The following ZNF274 variants were observed in gnomAD, a reference collection of about 807,000 sequenced individuals.
ZNF274 encodes zinc finger protein 274, also known as neurotrophin receptor-interacting factor homolog.
Under a neutral mutation model 42.5 loss-of-function variants are expected in ZNF274, and 23 were observed. The observed-to-expected ratio is 0.54, with a 90% CI of 0.39 to 0.77. ZNF274 has a LOEUF of 0.77. ZNF274 is among the 30% of genes least tolerant of loss of function. The probability of loss-of-function intolerance (pLI) is 0.00; values close to 1 mark genes in which losing one functional copy is unlikely to be tolerated. For synonymous variants in ZNF274, 292 were observed against 305.4 expected (o/e 0.96, Z 0.46); for missense variants, 679 against 806.5 (o/e 0.84, Z 1.91).
intron 2 of ZNF274, chr19:58,185,502 G>T (rs923161181): frequency 1.5e-5 from 5 of 325,246 alleles, no homozygotes; most frequent in South Asian, 2.7e-4. Flanking sequence ...GATCTCATGT[G>T]TTGCTCTCCT....
Position 58,183,780 on chromosome 19 carries a change from C to G in ZNF274, c.-45-141C>G, listed in dbSNP as rs952241772. On this transcript the variant is annotated intron_variant, in intron 1 of 7. Coordinates refer to ENST00000617501, the MANE Select transcript of ZNF274 (RefSeq NM_133502.3). ...GGTCCTATCCAGTCCTGTGGGAGTC[C>G]TATGACTCACTCTGGGCGTTTTCCA... The G allele has an allele frequency of 5.0e-6, 3 of 601,960 alleles. No individual in the cohort carries two copies. In the East Asian group the frequency reaches 8.5e-5, roughly 17 times the overall value. The allele number at this position is 601,960 out of a possible 1,614,324, so 37.3% of individuals were successfully genotyped here.
chr19:58,183,881 C>T, intron 1 of ZNF274, 40 bp from the exon 2 acceptor site: 1 of 1,447,498 alleles, frequency 6.9e-7, no homozygotes, highest in South Asian at 1.2e-5. Context: ...CAGCGGACAC[C>T]TTAAGCCTCT....
intron 3 of ZNF274, chr19:58,186,060 T>G (rs1161222547): frequency 3.3e-6 from 1 of 306,818 alleles, no homozygotes; most frequent in Non-Finnish European, 5.9e-6. Context: ...TGCTTATTGT[T>G]CTTGCAACAA....
At position 58,193,291 on chromosome 19, in the gene ZNF274, C is replaced by T. The variant is rs569377901; in HGVS notation, c.256+6249C>T. ...CCTCCCGAGTAGCTGGGACTACAGG[C>T]GCCCGCCACCACGCCCAGCTAAATT... On this transcript the variant is annotated intron_variant, in intron 4 of 7. Coordinates refer to ENST00000617501, the MANE Select transcript of ZNF274 (RefSeq NM_133502.3). Among the ~76,000 whole-genome samples the T allele has an allele frequency of 1.3e-3, 192 of 149,504 alleles. 1 individual carries two copies. The highest frequency in any genetic ancestry group is 0.01 in the East Asian group (51 of 4,986).
Position 58,211,035 on chromosome 19 carries a change from C to T in ZNF274, c.853-525C>T, listed in dbSNP as rs1057279311. On this transcript the variant is annotated intron_variant, in intron 6 of 7. Transcript: ENST00000617501. This position sits in a 1 kb window ranked among gnomAD's most constrained non-coding sequence, Gnocchi z 4.8. Reference sequence around the variant, plus strand: ...GTGGCCACTCCCCTTTCTTCTTAGGCAGATTCTGCCCCATGTAAGCAAAAT... The same window carrying T: ...GTGGCCACTCCCCTTTCTTCTTAGGTAGATTCTGCCCCATGTAAGCAAAAT... The T allele has an allele frequency of 1.3e-5, 2 of 152,542 alleles. No homozygotes were observed. Among genetic ancestry groups the T allele is most frequent in the African/African-American group, 4.8e-5 (2 of 41,452 alleles). The allele number at this position is 152,542 out of a possible 1,614,324, so 9.4% of individuals were successfully genotyped here.
rs2076007892 is a variant in ZNF274 at position 58,208,938 on chromosome 19, C to G, written c.740-1023C>G. The G allele has an allele frequency of 6.6e-6, 1 of 152,188 alleles. No individual in the cohort carries two copies. Among genetic ancestry groups the G allele is most frequent in the Non-Finnish European group, 1.5e-5 (1 of 68,046 alleles). The allele number at this position is 152,188 out of a possible 1,614,324, so 9.4% of individuals were successfully genotyped here. ...ACAGAAGACAATGGGAAGAGGCTTT[C>G]CAGAGAACCCTGAGAATCTCACATT... On this transcript the variant is annotated intron_variant, in intron 5 of 7. Coordinates refer to ENST00000617501, the MANE Select transcript of ZNF274 (RefSeq NM_133502.3). The surrounding 1 kb of genome is among the most constrained non-coding windows in gnomAD (Gnocchi z 4.5).
rs2075981559 is a variant in ZNF274, at chr19:58,206,702, T to G, written c.257-18T>G. 1 of 1,542,812 alleles carries G rather than the reference T, an allele frequency of 6.5e-7. No homozygotes were observed. The highest frequency in any genetic ancestry group is 1.4e-5 in the African/African-American group (1 of 72,958). On this transcript the variant is annotated intron_variant, in intron 4 of 7. Transcript: ENST00000617501. ...ATGTGCTTGTTCTCATTTGTCTTGC[T>G]CTGCTTTTGACTTACAGAGTATCCT...
chr19:58,212,374 A>C lies in ZNF274; in HGVS notation c.1193A>C (p.Lys398Thr), dbSNP rs763195344. ...CAGGAAAAAGACCTTCCTCAGAAGA[A>C]GCACTTTGACAACCGTGAGTCCCAG... ...SAQEKDLPQK[K>T]HFDNRESQAN... is the part of the protein sequence containing the mutation. Residue 398 changes from lysine (K) to threonine (T), a missense_variant, in exon 8 of 8, where the codon AAG becomes ACG. Lys to Thr is a moderately conservative substitution (Grantham distance 78, BLOSUM62 -1). Transcript: ENST00000617501. The surrounding 1 kb of genome is among the most constrained non-coding windows in gnomAD (Gnocchi z 4.6). 13 of 1,614,040 alleles carry C rather than the reference A, an allele frequency of 8.1e-6. No homozygotes were observed. Among genetic ancestry groups the C allele is most frequent in the Non-Finnish European group, 1.1e-5 (13 of 1,179,894 alleles).
intron 4 of ZNF274, among the ~76,000 whole-genome samples, chr19:58,187,950 C>T (rs915813465): frequency 6.6e-6 from 1 of 152,100 alleles, no homozygotes; most frequent in Non-Finnish European, 1.5e-5. Context: ...TTCTTGAACT[C>T]CTGACTTCAA....
At position 58,212,611 on chromosome 19, in the gene ZNF274, A is replaced by G; in HGVS notation, c.1430A>G (p.Lys477Arg). The change falls in exon 8 of 8, where the codon AAG becomes AGG. Residue 477 changes from lysine to arginine, a missense_variant. Physicochemically the swap from Lys to Arg is conservative, Grantham distance 26. This residue lies in a region of ZNF274 where 456 missense variants were observed against 590.1 expected (regional missense o/e 0.77). Coordinates refer to ENST00000617501, the MANE Select transcript of ZNF274 (RefSeq NM_133502.3). The surrounding 1 kb of genome is among the most constrained non-coding windows in gnomAD (Gnocchi z 4.6). ...CATCAGAAGAGCTGTGAAAGGCAAAAGGCCAAGGAAGGCAATGGTTGTAGG... is the reference window on the plus strand; with the variant it reads ...CATCAGAAGAGCTGTGAAAGGCAAAGGGCCAAGGAAGGCAATGGTTGTAGG... Reference protein sequence around the residue: ...KIHQKSCERQKAKEGNGCRKT... With the variant: ...KIHQKSCERQRAKEGNGCRKT... The G allele has an allele frequency of 6.2e-7, 1 of 1,614,046 alleles. No homozygotes were observed. The highest frequency in any genetic ancestry group is 2.2e-5 in the East Asian group (1 of 44,884).
intron 4 of ZNF274, among the ~76,000 whole-genome samples, chr19:58,205,296 A>G (rs2075968533): frequency 6.6e-6 from 1 of 152,224 alleles, no homozygotes; most frequent in Non-Finnish European, 1.5e-5. Context: ...TATTACAAAT[A>G]TCAAAAGTAA....
chr19:58,183,758 C>T (rs2075660266), intron 1 of ZNF274, 163 bp from the exon 2 acceptor site: 4 of 545,820 alleles, frequency 7.3e-6, no homozygotes, highest in Non-Finnish European at 3.3e-6. Flanking sequence ...GAAAACTGGT[C>T]CTATCCAGTC....
intron 4 of ZNF274, 55 bp downstream of exon 4, chr19:58,187,097 G>A (rs147943934): frequency 1.4e-6 from 2 of 1,447,982 alleles, no homozygotes; most frequent in East Asian, 2.4e-5. Context: ...GATGAGTCAG[G>A]GACCAGTATC....
At position 58,207,214 on chromosome 19, in the gene ZNF274, G is replaced by T; in HGVS notation, c.739+12G>T. ...GTCTGAGGAGGAAGGTAAGTAGAAG[G>T]GTGGGTAGAGGGACAGCTTAATGAG... On this transcript the variant is annotated intron_variant, in intron 5 of 7. Coordinates refer to ENST00000617501, the MANE Select transcript of ZNF274 (RefSeq NM_133502.3). The surrounding 1 kb of genome is among the most constrained non-coding windows in gnomAD (Gnocchi z 5.6). 1.2e-6 allele frequency: 2 copies of T among 1,601,838 alleles called. No homozygotes were observed. The highest frequency in any genetic ancestry group is 1.1e-5 in the South Asian group (1 of 88,922).
chr19:58,197,407 G>C (rs2075856979), intron 4 of ZNF274, among the ~76,000 whole-genome samples: 1 of 152,186 alleles, frequency 6.6e-6, no homozygotes, highest in African/African-American at 2.4e-5. Context: ...TTTATATCAT[G>C]TCGTAGAGAA....
rs769046143 is a variant in ZNF274 at position 58,212,577 on chromosome 19, G to A, written c.1396G>A (p.Val466Ile). ...TAAAAGTATGAAACATAATTCACGT[G>A]TAAAAATTCATCAGAAGAGCTGTGA... Reference protein sequence around the residue: ...QVKSMKHNSRVKIHQKSCERQ... With the variant: ...QVKSMKHNSRIKIHQKSCERQ... The change falls in exon 8 of 8, where the codon GTA becomes ATA. Residue 466 changes from valine to isoleucine, a missense_variant. Val to Ile is a conservative substitution (Grantham distance 29). Around this residue, in one of 2 missense-constraint regions of ZNF274, gnomAD observed 456 missense variants for 590.1 expected, o/e 0.77. Transcript: ENST00000617501. The surrounding 1 kb of genome is among the most constrained non-coding windows in gnomAD (Gnocchi z 4.6). The A allele has an allele frequency of 6.2e-7, 1 of 1,614,052 alleles. No individual in the cohort carries two copies. The highest frequency in any genetic ancestry group is 8.5e-7 in the Non-Finnish European group (1 of 1,179,904).
chr19:58,204,346 A>G (rs1273559870), intron 4 of ZNF274, among the ~76,000 whole-genome samples: 1 of 151,576 alleles, frequency 6.6e-6, no homozygotes, highest in East Asian at 1.9e-4. Flanking sequence ...TTCCGGGTCC[A>G]GGGGGGGCAG....
chr19:58,195,909 C>T (rs538441517), intron 4 of ZNF274, among the ~76,000 whole-genome samples: 107 of 152,244 alleles, frequency 7.0e-4, no homozygotes, highest in Non-Finnish European at 1.2e-3. Flanking sequence ...ATTTGCCTGC[C>T]GCTCACCTCC....
chr19:58,186,826 T>C (rs539469646), intron 3 of ZNF274, 121 bp from the exon 4 acceptor site: 3 of 792,260 alleles, frequency 3.8e-6, no homozygotes, highest in East Asian at 2.7e-5. Flanking sequence ...TGTTCACTGC[T>C]CTAGGCCAGA....
Sources: gnomAD v4.1 joint callset for allele counts (sites outside exome capture counted in the v4.1 genomes callset) on GRCh38, gnomAD v4.1.1 for gene constraint, gnomAD v4.1.1 regional missense constraint, Gnocchi (gnomAD v3.1) non-coding constraint, MANE v1.5 for transcripts, NCBI Gene and HGNC (gene_info 2026-07-23, HGNC 2026-07-21) for gene names.